The following USP25 variants were observed in gnomAD, a reference collection of about 807,000 sequenced individuals.
USP25 encodes ubiquitin specific peptidase 25.
Under a neutral mutation model 158.5 loss-of-function variants are expected in USP25, and 85 were observed. The observed-to-expected ratio is 0.54, with a 90% confidence interval of 0.45 to 0.64. The LOEUF (loss-of-function observed/expected upper bound fraction) is 0.64. Among genes scored for constraint, USP25 ranks in the 30% least tolerant of loss-of-function variants. The pLI is 0.00. For synonymous variants in USP25, 464 were observed against 460.4 expected (o/e 1.01, Z -0.10); for missense variants, 1,242 against 1,327.3 (o/e 0.94, Z 1.00).
chr21:15,805,421 T>G, intron 7 of USP25, 163 bp downstream of exon 7: 1 of 644,990 alleles, frequency 1.6e-6, no homozygotes, highest in Non-Finnish European at 2.3e-6. Context: ...AAGAGAAAAG[T>G]GATCTTGAAG....
chr21:15,842,681 G>C, intron 18 of USP25, 141 bp downstream of exon 18: 1 of 967,834 alleles, frequency 1.0e-6, no homozygotes, highest in Non-Finnish European at 1.5e-6. Flanking sequence ...GTGACCATGG[G>C]CAAGTCATCT....
In USP25 at chr21:15,878,708, G is replaced by T; in HGVS notation, c.*233G>T. On this transcript the variant is annotated 3_prime_UTR_variant, in exon 26 of 26. Transcript: ENST00000400183. Reference sequence around the variant, plus strand: ...CTGATGTATAATCACAAATCTAATTGATTTTATTATGGCAAAACTATGCTT... The same window carrying T: ...CTGATGTATAATCACAAATCTAATTTATTTTATTATGGCAAAACTATGCTT... 7.4e-6 allele frequency: 3 copies of T among 404,100 alleles called. No homozygotes were observed. Among genetic ancestry groups the T allele is most frequent in the Admixed American group, 4.3e-5 (1 of 23,516 alleles). The allele number at this position is 404,100 out of a possible 1,614,324, so 25.0% of individuals were successfully genotyped here.
chr21:15,831,911 A>T (rs2146392430), intron 16 of USP25, among the ~76,000 whole-genome samples: 1 of 152,268 alleles, frequency 6.6e-6, no homozygotes, highest in East Asian at 1.9e-4. Flanking sequence ...TTAATATTTA[A>T]TTCCTTAGCC....
At chr21:15,855,352 G>C (rs1418756224) in intron 20 of USP25, among the ~76,000 whole-genome samples, 1 of 151,862 alleles carries the variant, frequency 6.6e-6, no homozygotes, top group Non-Finnish European at 1.5e-5. Flanking sequence ...TTATTCAATA[G>C]ATATAAAAAT....
At chr21:15,736,590 T>C (rs1385310685) in intron 1 of USP25, among the ~76,000 whole-genome samples, 2 of 151,852 alleles carry the variant, frequency 1.3e-5, no homozygotes, top group Admixed American at 6.6e-5. Context: ...CTTTTCAATT[T>C]TGGCTCTTTT....
chr21:15,876,159 T>G lies in USP25; in HGVS notation c.3009+1633T>G, dbSNP rs756110174. On this transcript the variant is annotated intron_variant, in intron 24 of 25. Coordinates refer to ENST00000400183, the MANE Select transcript of USP25 (RefSeq NM_001283041.3). ...CAAGGTTGGCTTTGAACATGTTTTA[T>G]TTAAGAGATTTCCAGGACATTCTTT... 5 of 152,192 alleles carry G rather than the reference T, an allele frequency of 3.3e-5. No individual in the cohort carries two copies. In the East Asian group the frequency reaches 9.6e-4, roughly 29 times the overall value. The allele number at this position is 152,192 out of a possible 1,614,324, so 9.4% of individuals were successfully genotyped here. A position where few individuals can be genotyped will look rare whatever the true frequency, so the allele number is the denominator to read the frequency against.
rs1056602116 is a variant in USP25, at chr21:15,878,889, A to G, written c.*414A>G. The G allele has an allele frequency of 1.3e-5, 2 of 154,396 alleles. No homozygotes were observed. Among genetic ancestry groups the G allele is most frequent in the Admixed American group, 6.5e-5 (1 of 15,378 alleles). 9.6% of individuals were successfully genotyped at this position (154,396 alleles called of 1,614,324 possible). On this transcript the variant is annotated 3_prime_UTR_variant, in exon 26 of 26. Coordinates refer to ENST00000400183, the MANE Select transcript of USP25 (RefSeq NM_001283041.3). ...GTAGCTTGTAAATGAAATAAAGAATAAAGTTTTATTTATGGCTACCTATGT... is the reference window on the plus strand; with the variant it reads ...GTAGCTTGTAAATGAAATAAAGAATGAAGTTTTATTTATGGCTACCTATGT...
rs908463747 is a variant in USP25, at chr21:15,831,419, G to A, written c.1783G>A (p.Ala595Thr). Residue 595 changes from alanine to threonine, a missense_variant, in exon 16 of 26, where the codon GCC becomes ACC. Physicochemically the swap from Ala to Thr is moderately conservative, Grantham distance 58. This residue lies in a region of USP25 where 627 missense variants were observed against 701.4 expected (regional missense o/e 0.89). Transcript: ENST00000400183. ...CATTTAGGTTCCTTATCGATTACATGCCGTTTTAGTTCACGAAGGCCAAGC... is the reference window on the plus strand; with the variant it reads ...CATTTAGGTTCCTTATCGATTACATACCGTTTTAGTTCACGAAGGCCAAGC... ...SMIQVPYRLHAVLVHEGQANA... is the reference protein window; with the variant it reads ...SMIQVPYRLHTVLVHEGQANA... 2 of 1,613,688 alleles carry A rather than the reference G, an allele frequency of 1.2e-6. No individual in the cohort carries two copies. The highest frequency in any genetic ancestry group is 1.7e-6 in the Non-Finnish European group (2 of 1,179,908).
At chr21:15,860,325 C>T (rs1453967306) in intron 20 of USP25, among the ~76,000 whole-genome samples, 1 of 151,904 alleles carries the variant, frequency 6.6e-6, no homozygotes, top group Non-Finnish European at 1.5e-5. Context: ...GCTAATTTTT[C>T]CTATTTTTTA....
intron 1 of USP25, among the ~76,000 whole-genome samples, chr21:15,752,924 C>T (rs557092841): frequency 6.6e-6 from 1 of 152,272 alleles, no homozygotes; most frequent in East Asian, 1.9e-4. Flanking sequence ...ATACCTGAAC[C>T]ATTTGTTACC....
At chr21:15,801,536 A>G (rs938526032) in intron 6 of USP25, among the ~76,000 whole-genome samples, 5 of 151,714 alleles carry the variant, frequency 3.3e-5, no homozygotes, top group African/African-American at 7.2e-5. Flanking sequence ...AGTACACACT[A>G]TACCTTGACA....
rs1243954826 is a variant in USP25, at chr21:15,830,517, C to T, written c.1694-14C>T. 3.1e-6 allele frequency: 5 copies of T among 1,595,548 alleles called. No individual in the cohort carries two copies. Among genetic ancestry groups the T allele is most frequent in the Non-Finnish European group, 4.3e-6 (5 of 1,170,686 alleles). ...ATTTGCTGTTAATCATTAAATGACACCTTATATCCTTAGATTTGCAGGAAA... is the reference window on the plus strand; with the variant it reads ...ATTTGCTGTTAATCATTAAATGACATCTTATATCCTTAGATTTGCAGGAAA... On this transcript the variant is annotated splice_polypyrimidine_tract_variant and intron_variant, in intron 14 of 25. Transcript: ENST00000400183.
chr21:15,754,187 A>G (rs1417338911), intron 1 of USP25, among the ~76,000 whole-genome samples: 1 of 152,202 alleles, frequency 6.6e-6, no homozygotes, highest in Non-Finnish European at 1.5e-5. Context: ...GGCATATTCT[A>G]GTCGCCTGCA....
At chr21:15,740,436 A>G (rs747715245) in intron 1 of USP25, among the ~76,000 whole-genome samples, 1 of 152,226 alleles carries the variant, frequency 6.6e-6, no homozygotes, top group Admixed American at 6.5e-5. Flanking sequence ...CCATCAGTGC[A>G]GCAACATGTT....
chr21:15,828,624 C>T (rs966367329), intron 14 of USP25, among the ~76,000 whole-genome samples: 17 of 152,128 alleles, frequency 1.1e-4, no homozygotes, highest in African/African-American at 4.1e-4. Flanking sequence ...GATGAGTTCT[C>T]TTTTGGCCAT....
At chr21:15,774,330 T>G (rs1008006765) in intron 3 of USP25, among the ~76,000 whole-genome samples, 1 of 152,178 alleles carries the variant, frequency 6.6e-6, no homozygotes, top group Non-Finnish European at 1.5e-5. Context: ...AAAGTTGAAT[T>G]TGTTAATATC....
In USP25 at chr21:15,864,498, C is replaced by T. The variant is rs745381647; in HGVS notation, c.2726+52C>T. 1.6e-4 allele frequency: 235 copies of T among 1,441,962 alleles called. 1 individual carries two copies. Among genetic ancestry groups the T allele is most frequent in the Non-Finnish European group, 2.1e-4 (222 of 1,074,008 alleles). 89.3% of individuals were successfully genotyped at this position (1,441,962 alleles called of 1,614,324 possible). A position where few individuals can be genotyped will look rare whatever the true frequency, so the allele number is the denominator to read the frequency against. The stretch of plus-strand genomic sequence containing the variant: ...GCTCAAATCGTTCTTTTTTTTTTTC[C>T]TGCAGATTCCCAGGATAATTTTTTG... On this transcript the variant is annotated intron_variant, in intron 21 of 25. Transcript: ENST00000400183.
At chr21:15,865,477 A>C (rs888759821) in intron 21 of USP25, among the ~76,000 whole-genome samples, 1 of 152,154 alleles carries the variant, frequency 6.6e-6, no homozygotes, top group East Asian at 1.9e-4. Flanking sequence ...GTTGTGAACA[A>C]TATCTGATAG....
rs139765844 is a variant in USP25, at chr21:15,805,055, T to G, written c.643-66T>G. On this transcript the variant is annotated intron_variant, in intron 6 of 25. Transcript: ENST00000400183. ...TTTTGGTTACTGTTAAAATGAATAT[T>G]TATTAGTAAAAATTTTCTTAATCTT... is the stretch of plus-strand genomic sequence containing the variant. The G allele has an allele frequency of 7.2e-4, 1,056 of 1,460,872 alleles. 5 individuals are homozygous for G. The African/African-American group carries it at 0.013, about 18-fold the overall frequency. The allele number at this position is 1,460,872 out of a possible 1,614,324, so 90.5% of individuals were successfully genotyped here.
Sources: gnomAD v4.1 joint callset for allele counts (sites outside exome capture counted in the v4.1 genomes callset) on GRCh38, gnomAD v4.1.1 for gene constraint, gnomAD v4.1.1 regional missense constraint, MANE v1.5 for transcripts, NCBI Gene and HGNC (gene_info 2026-07-23, HGNC 2026-07-21) for gene names.